REG1B: variants seen among roughly 807,000 people sequenced by gnomAD.
REG1B encodes the protein regenerating family member 1 beta.
A neutral mutation model predicts 20.4 loss-of-function variants in REG1B; 21 were observed. The ratio of observed to expected loss-of-function variants is 1.03; its 90% confidence interval spans 0.73 to 1.48. The LOEUF (loss-of-function observed/expected upper bound fraction) is 1.48, where lower values mean the gene tolerates loss of function less well. Among genes scored for constraint, REG1B ranks in the 40% most tolerant of loss-of-function variants. REG1B has a pLI of 0.00. For synonymous variants in REG1B, 82 were observed against 73.4 expected (o/e 1.12, Z -0.60); for missense variants, 247 against 197.2 (o/e 1.25, Z -1.51).
chr2:79,086,714 G>T (rs755039763), intron 3 of REG1B, 98 bp downstream of exon 3: 1 of 1,341,828 alleles, frequency 7.5e-7, no homozygotes, highest in South Asian at 1.2e-5. Context: ...ATAGGGAAGG[G>T]ATCAATCTTA....
intron 4 of REG1B, 26 bp downstream of exon 4, chr2:79,086,341 G>A: frequency 5.0e-6 from 8 of 1,613,214 alleles, no homozygotes; most frequent in Non-Finnish European, 6.8e-6. Context: ...ATGTTTATAA[G>A]GAGATAGAGG....
intron 2 of REG1B, 153 bp downstream of exon 2, chr2:79,087,396 T>G (rs1672415627): frequency 1.4e-6 from 1 of 724,734 alleles, no homozygotes; most frequent in Non-Finnish European, 2.3e-6. Context: ...GGTGAGGGTG[T>G]TTTTGAATGG....
chr2:79,086,549 G>A lies in REG1B; in HGVS notation c.184-45C>T, dbSNP rs762733366. 8.7e-6 allele frequency: 14 copies of A among 1,606,956 alleles called. No homozygotes were observed. In the African/African-American group the frequency reaches 1.5e-4, roughly 17 times the overall value. ...AGCACTCAGTGGAGAAGGAAGGTGT[G>A]AGGGATATACTGAGACCTTCCAGAG... On this transcript the variant is annotated intron_variant, in intron 3 of 5. Coordinates refer to ENST00000305089, the MANE Select transcript of REG1B (RefSeq NM_006507.4).
In REG1B at chr2:79,085,136, G is replaced by A. The variant is rs1672378211; in HGVS notation, c.*80C>T. ...TTAGGGAGGAGATGGTCTGAACTGA[G>A]TTGGAGACATAGTCTAGTTTAATTT... On this transcript the variant is annotated 3_prime_UTR_variant, in exon 6 of 6. Coordinates refer to ENST00000305089, the MANE Select transcript of REG1B (RefSeq NM_006507.4). 1.4e-5 allele frequency: 14 copies of A among 988,648 alleles called. No homozygotes were observed. The highest frequency in any genetic ancestry group is 4.9e-6 in the Non-Finnish European group (3 of 616,986). The allele number at this position is 988,648 out of a possible 1,614,324, so 61.2% of individuals were successfully genotyped here. A position where few individuals can be genotyped will look rare whatever the true frequency, so the allele number is the denominator to read the frequency against.
At chr2:79,086,331 A>G (rs377070114) in intron 4 of REG1B, 36 bp downstream of exon 4, 7 of 1,611,724 alleles carry the variant, frequency 4.3e-6, no homozygotes, top group South Asian at 2.2e-5. Flanking sequence ...CCTCTCAAAA[A>G]TGTTTATAAG....
rs1227083801 is a variant in REG1B at position 79,087,032 on chromosome 2, G to T, written c.65-102C>A. The T allele has an allele frequency of 1.4e-5, 13 of 904,616 alleles. No individual in the cohort carries two copies. The East Asian group carries it at 3.1e-4, about 22-fold the overall frequency. The allele number at this position is 904,616 out of a possible 1,614,324, so 56.0% of individuals were successfully genotyped here. A position where few individuals can be genotyped will look rare whatever the true frequency, so the allele number is the denominator to read the frequency against. Reference sequence around the variant, plus strand: ...CTTGGTGTCCTTTATAAGAACATATGGATACAGTGAATACTGGGGCGATTG... The same window carrying T: ...CTTGGTGTCCTTTATAAGAACATATTGATACAGTGAATACTGGGGCGATTG... On this transcript the variant is annotated intron_variant, in intron 2 of 5. Coordinates refer to ENST00000305089, the MANE Select transcript of REG1B (RefSeq NM_006507.4).
intron 4 of REG1B, 118 bp downstream of exon 4, chr2:79,086,249 G>T (rs1039349062): frequency 7.7e-6 from 8 of 1,034,546 alleles, no homozygotes; most frequent in Non-Finnish European, 9.9e-6. Flanking sequence ...CTATAAAGAG[G>T]TTGCTTTTAT....
At position 79,087,290 on chromosome 2, in the gene REG1B, C is replaced by T. The variant is rs1672414364; in HGVS notation, c.64+259G>A. 7.3e-6 allele frequency: 4 copies of T among 545,960 alleles called. No individual in the cohort carries two copies. The East Asian group carries it at 1.2e-4, about 16-fold the overall frequency. The allele number at this position is 545,960 out of a possible 1,614,324, so 33.8% of individuals were successfully genotyped here. A position where few individuals can be genotyped will look rare whatever the true frequency, so the allele number is the denominator to read the frequency against. On this transcript the variant is annotated intron_variant, in intron 2 of 5. Transcript: ENST00000305089. Reference sequence around the variant, plus strand: ...GCAATGACTACATAAAAACATCCCCCAAACTGCCATCGCATATAGATTCAA... The same window carrying T: ...GCAATGACTACATAAAAACATCCCCTAAACTGCCATCGCATATAGATTCAA...
At chr2:79,085,834 AG>A in intron 4 of REG1B, 1 of 371,746 alleles carries the variant, frequency 2.7e-6, no homozygotes, top group South Asian at 3.6e-5. Context: ...AATTTGATAC[AG>A]AGACCCATAA....
Position 79,086,817 on chromosome 2 carries a change from C to A in REG1B, c.178G>T (p.Ala60Ser). 6.2e-7 allele frequency: 1 copy of A among 1,613,288 alleles called. No homozygotes were observed. The highest frequency in any genetic ancestry group is 8.5e-7 in the Non-Finnish European group (1 of 1,179,254). ...CTGCTGCTCTCCTCACTCACATCTG[C>A]ATCAACCCAGGTCTCAGGGTCTTCA... ...FNEDPETWVD[A>S]DLYCQNMNSG... The change falls in exon 3 of 6, where the codon GCA (alanine) becomes TCA (serine). Residue 60 changes from alanine to serine, a missense_variant. Transcript: ENST00000305089.
chr2:79,085,081 A>T lies in REG1B; in HGVS notation c.*135T>A. The T allele has an allele frequency of 1.5e-6, 1 of 672,980 alleles. No homozygotes were observed. The highest frequency in any genetic ancestry group is 2.7e-6 in the Non-Finnish European group (1 of 370,490). The allele number at this position is 672,980 out of a possible 1,614,324, so 41.7% of individuals were successfully genotyped here. The stretch of plus-strand genomic sequence containing the variant: ...AGGGCTCTAGAGACTGAGACAGGTG[A>T]AGGTACTGAAGATCAGCGATGCAAA... On this transcript the variant is annotated 3_prime_UTR_variant, in exon 6 of 6. Transcript: ENST00000305089.
At chr2:79,086,994 G>A in intron 2 of REG1B, 64 bp from the exon 3 acceptor site, 1 of 1,332,130 alleles carries the variant, frequency 7.5e-7, no homozygotes, top group Non-Finnish European at 1.1e-6. Context: ...GCTGGAAGGT[G>A]AATTAGGGGC....
intron 4 of REG1B, 72 bp downstream of exon 4, chr2:79,086,295 G>A: frequency 6.6e-7 from 1 of 1,510,772 alleles, no homozygotes; most frequent in Non-Finnish European, 9.1e-7. Context: ...GGTGATTGCG[G>A]TGCCAGACCT....
chr2:79,087,368 T>C, intron 2 of REG1B, 181 bp downstream of exon 2: 1 of 636,400 alleles, frequency 1.6e-6, no homozygotes, highest in Non-Finnish European at 2.8e-6. Context: ...TTAAATTCTG[T>C]CTCAAACCCA....
chr2:79,085,134 G>T lies in REG1B; in HGVS notation c.*82C>A. 1.0e-6 allele frequency: 1 copy of T among 962,970 alleles called. No homozygotes were observed. Among genetic ancestry groups the T allele is most frequent in the Non-Finnish European group, 1.7e-6 (1 of 594,212 alleles). The allele number at this position is 962,970 out of a possible 1,614,324, so 59.7% of individuals were successfully genotyped here. A position where few individuals can be genotyped will look rare whatever the true frequency, so the allele number is the denominator to read the frequency against. On this transcript the variant is annotated 3_prime_UTR_variant, in exon 6 of 6. Coordinates refer to ENST00000305089, the MANE Select transcript of REG1B (RefSeq NM_006507.4). ...CATTAGGGAGGAGATGGTCTGAACT[G>T]AGTTGGAGACATAGTCTAGTTTAAT...
In REG1B at chr2:79,086,446, C is replaced by T. The variant is rs2104017582; in HGVS notation, c.242G>A (p.Gly81Asp). The stretch of plus-strand genomic sequence containing the variant: ...CTTAATCAGTGAGGCCACGAAGGCA[C>T]CCTCCGCCTGGGTGAGCACAGACAC... ...NLVSVLTQAEGAFVASLIKES... is the reference protein window; with the variant it reads ...NLVSVLTQAEDAFVASLIKES... The change falls in exon 4 of 6, where the codon GGT becomes GAT. Residue 81 changes from glycine to aspartate, a missense_variant. Transcript: ENST00000305089. 6.2e-7 allele frequency: 1 copy of T among 1,614,080 alleles called. No individual in the cohort carries two copies. Among genetic ancestry groups the T allele is most frequent in the Non-Finnish European group, 8.5e-7 (1 of 1,179,994 alleles).
chr2:79,086,373 T>C lies in REG1B; in HGVS notation c.315A>G (p.Pro105=), dbSNP rs1175184245. ...DSNVWIGLHD[P]KKNRRWHWSS... ...GAGGTGGCTGCAGACTGACCTTTTT[T>C]GGGTCATGGAGGCCAATCCAGACAT... Residue 105 remains proline (P), a synonymous_variant, in exon 4 of 6, where the codon CCA becomes CCG. Transcript: ENST00000305089. 9 of 1,613,966 alleles carry C rather than the reference T, an allele frequency of 5.6e-6. No individual in the cohort carries two copies. Among genetic ancestry groups the C allele is most frequent in the Non-Finnish European group, 7.6e-6 (9 of 1,179,970 alleles).
chr2:79,086,322 C>G, intron 4 of REG1B, 45 bp downstream of exon 4: 4 of 1,609,130 alleles, frequency 2.5e-6, no homozygotes, highest in South Asian at 2.2e-5. Flanking sequence ...TCCCTCTTAC[C>G]TCTCAAAAAT....
In REG1B at chr2:79,085,688, G is replaced by A. The variant is rs562079866; in HGVS notation, c.322-85C>T. 6 of 759,418 alleles carry A rather than the reference G, an allele frequency of 7.9e-6. No individual in the cohort carries two copies. In the East Asian group the frequency reaches 1.3e-4, roughly 16 times the overall value. The allele number at this position is 759,418 out of a possible 1,614,324, so 47.0% of individuals were successfully genotyped here. A position where few individuals can be genotyped will look rare whatever the true frequency, so the allele number is the denominator to read the frequency against. ...GGCCTGTGTGCACACTCAGAAACAG[G>A]CCAAGTTATAGCAGAAAGAATAAAC... On this transcript the variant is annotated intron_variant, in intron 4 of 5. Coordinates refer to ENST00000305089, the MANE Select transcript of REG1B (RefSeq NM_006507.4).
Sources: allele counts gnomAD v4.1 joint callset, GRCh38; gene constraint gnomAD v4.1.1; transcripts MANE v1.5; gene names NCBI Gene and HGNC (gene_info 2026-07-23, HGNC 2026-07-21).